Variants in ANK3 observed in about 807,000 individuals in gnomAD.
ANK3 encodes the protein ankyrin-3.
Under a neutral mutation model 370.9 loss-of-function variants are expected in ANK3, and 57 were observed. That is an observed-to-expected ratio of 0.15 (90% CI 0.12 to 0.19). The LOEUF (loss-of-function observed/expected upper bound fraction) is 0.19, where lower values mean the gene tolerates loss of function less well. Ranked by LOEUF, ANK3 falls within the 10% of genes least tolerant of loss-of-function variation. The probability of loss-of-function intolerance (pLI) is 1.00; values close to 1 mark genes in which losing one functional copy is unlikely to be tolerated. For missense variants in ANK3, 4,439 were observed against 5,302.1 expected (o/e 0.84, Z 5.06); for synonymous variants, 1,929 against 1,946.3 (o/e 0.99, Z 0.23).
At chr10:60,453,237 T>C (rs888448810) in intron 2 of ANK3, among the ~76,000 whole-genome samples, 3 of 152,096 alleles carry the variant, frequency 2.0e-5, no homozygotes, top group Non-Finnish European at 2.9e-5. Context: ...ATCTACAAAG[T>C]AGCTTCGAGG....
chr10:60,648,854 C>G (rs937717741), intron 1 of ANK3, among the ~76,000 whole-genome samples: 1 of 91,416 alleles, frequency 1.1e-5, no homozygotes, highest in South Asian at 6.0e-4. Context: ...CAGCTATTTC[C>G]AAGCTGCTTC....
At chr10:60,333,410 T>C (rs982639074) in intron 1 of ANK3, among the ~76,000 whole-genome samples, 2 of 152,202 alleles carry the variant, frequency 1.3e-5, no homozygotes, top group Non-Finnish European at 2.9e-5. Context: ...TTTGTTTTTC[T>C]GTTCCTGTGT....
intron 23 of ANK3, among the ~76,000 whole-genome samples, chr10:60,165,041 G>C (rs1419670888): frequency 6.6e-6 from 1 of 152,118 alleles, no homozygotes; most frequent in Non-Finnish European, 1.5e-5. Context: ...CTCCATTTTT[G>C]AAATTATTTG....
At chr10:60,560,619 C>A (rs1476514939) in intron 2 of ANK3, among the ~76,000 whole-genome samples, 1 of 152,168 alleles carries the variant, frequency 6.6e-6, no homozygotes, top group East Asian at 1.9e-4. Flanking sequence ...CTTCAAATGT[C>A]TGAAACCAAG....
At chr10:60,468,856 A>G (rs1420516646) in intron 2 of ANK3, among the ~76,000 whole-genome samples, 1 of 150,414 alleles carries the variant, frequency 6.6e-6, no homozygotes, top group Non-Finnish European at 1.5e-5. Flanking sequence ...ATACTGAGAC[A>G]GACTTGTCTT....
intron 2 of ANK3, among the ~76,000 whole-genome samples, chr10:60,568,480 T>C (rs978821476): frequency 2.0e-5 from 3 of 152,208 alleles, no homozygotes; most frequent in Non-Finnish European, 4.4e-5. Flanking sequence ...AACCAAAAAA[T>C]GTGCATGACT....
intron 4 of ANK3, 138 bp from the exon 5 acceptor site, chr10:60,270,367 AT>A (rs2097953454): frequency 2.2e-6 from 1 of 461,108 alleles, no homozygotes; most frequent in African/African-American, 2.0e-5. Context: ...ATAAATATTT[AT>A]TAGAAAACCC....
intron 3 of ANK3, 21 bp downstream of exon 3, chr10:60,279,029 C>A: frequency 1.2e-6 from 2 of 1,611,390 alleles, no homozygotes; most frequent in Non-Finnish European, 1.7e-6. Context: ...GTTCAAAAAG[C>A]ATTAAATATG....
chr10:60,204,216 C>A (rs1591690543), intron 11 of ANK3, among the ~76,000 whole-genome samples: 1 of 152,064 alleles, frequency 6.6e-6, no homozygotes, highest in Non-Finnish European at 1.5e-5. Flanking sequence ...GTCTTGGCAC[C>A]TTTTTCCATC....
intron 8 of ANK3, among the ~76,000 whole-genome samples, chr10:60,219,632 C>T (rs2097006377): frequency 6.6e-6 from 1 of 152,154 alleles, no homozygotes; most frequent in Admixed American, 6.5e-5. Flanking sequence ...GGCCCCAATC[C>T]CGCTGGAGAA....
intron 7 of ANK3, among the ~76,000 whole-genome samples, chr10:60,242,357 T>C (rs1220862594): frequency 2.6e-5 from 4 of 152,216 alleles, no homozygotes; most frequent in Admixed American, 6.5e-5. Flanking sequence ...CATTATATCA[T>C]ATGATATACT....
chr10:60,263,789 T>G (rs1457084908), intron 6 of ANK3, 46 bp downstream of exon 6: 1 of 1,609,138 alleles, frequency 6.2e-7, no homozygotes, highest in African/African-American at 1.3e-5. Flanking sequence ...GTTGTGTGTC[T>G]AACACCGGAG....
At chr10:60,722,578 T>G (rs117948689) in intron 1 of ANK3, among the ~76,000 whole-genome samples, 2 of 152,226 alleles carry the variant, frequency 1.3e-5, no homozygotes, top group Admixed American at 6.5e-5. Context: ...CTATTATTTA[T>G]CATGTTTGGC....
intron 5 of ANK3, among the ~76,000 whole-genome samples, chr10:60,264,656 A>C (rs1016520983): frequency 5.9e-5 from 9 of 152,080 alleles, no homozygotes; most frequent in African/African-American, 1.9e-4. Flanking sequence ...AGAAAAAAAA[A>C]AATCTCAGGC....
At chr10:60,503,508 G>T (rs925864179) in intron 2 of ANK3, among the ~76,000 whole-genome samples, 2 of 152,078 alleles carry the variant, frequency 1.3e-5, no homozygotes, top group Admixed American at 1.3e-4. Context: ...AATTTTCTAA[G>T]GTCACATGAG....
chr10:60,697,963 A>T (rs1278078173), intron 1 of ANK3, among the ~76,000 whole-genome samples: 2 of 152,112 alleles, frequency 1.3e-5, no homozygotes, highest in African/African-American at 4.8e-5. Context: ...CAGAGTGAAC[A>T]GGCAGCCTAC....
At chr10:60,181,273 A>T in intron 18 of ANK3, 56 bp downstream of exon 18, 1 of 1,385,190 alleles carries the variant, frequency 7.2e-7, no homozygotes, top group Non-Finnish European at 1.0e-6. Flanking sequence ...TTTCTTCCTT[A>T]CTGCAGTCAC....
At chr10:60,176,456 TACCC>T in intron 18 of ANK3, among the ~76,000 whole-genome samples, 2 of 151,640 alleles carry the variant, frequency 1.3e-5, no homozygotes, top group African/African-American at 4.8e-5. Context: ...CCGCTTCTGA[TACCC>T]CTTATAATTT....
intron 1 of ANK3, among the ~76,000 whole-genome samples, chr10:60,722,773 C>T (rs1254783488): frequency 6.6e-6 from 1 of 152,052 alleles, no homozygotes; most frequent in Non-Finnish European, 1.5e-5. Flanking sequence ...CATGGGAGAT[C>T]TGGTTGTTTA....
Sources: allele counts gnomAD v4.1 joint callset (sites outside exome capture counted in the v4.1 genomes callset), GRCh38; gene constraint gnomAD v4.1.1; transcripts MANE v1.5; gene names NCBI Gene and HGNC (gene_info 2026-07-23, HGNC 2026-07-21).